The following CFAP20DC variants were observed in gnomAD, a reference collection of about 807,000 sequenced individuals.
CFAP20DC encodes protein CFAP20DC.
Under a neutral mutation model 101.7 loss-of-function variants are expected in CFAP20DC, and 84 were observed. That is an observed-to-expected ratio of 0.83 (90% CI 0.69 to 0.99). The LOEUF (loss-of-function observed/expected upper bound fraction) is 0.99, where lower values mean the gene tolerates loss of function less well. Ranked by LOEUF, CFAP20DC falls within the 50% of genes least tolerant of loss-of-function variation. CFAP20DC has a pLI of 0.00. For synonymous variants in CFAP20DC, 359 were observed against 351.2 expected (o/e 1.02, Z -0.25); for missense variants, 1,007 against 970.3 (o/e 1.04, Z -0.50).
intron 2 of CFAP20DC, 35 bp from the exon 3 acceptor site, chr3:59,046,357 G>C (rs1202881538): frequency 7.7e-7 from 1 of 1,299,340 alleles, no homozygotes; most frequent in African/African-American, 1.5e-5. Flanking sequence ...GTTATCACAG[G>C]ATATTTTATT....
intron 3 of CFAP20DC, chr3:58,726,887 T>A (rs908140514): frequency 2.5e-5 from 6 of 240,914 alleles, no homozygotes; most frequent in South Asian, 1.4e-4. Flanking sequence ...GAATGACCCA[T>A]TACTTCCACT....
chr3:59,009,134 C>T (rs2093517179), intron 4 of CFAP20DC, among the ~76,000 whole-genome samples: 1 of 151,966 alleles, frequency 6.6e-6, no homozygotes, highest in Admixed American at 6.6e-5. Context: ...AAGTCTGGTC[C>T]TTAGGAGAGG....
At chr3:58,983,483 A>T (rs768285243) in intron 4 of CFAP20DC, among the ~76,000 whole-genome samples, 14 of 152,184 alleles carry the variant, frequency 9.2e-5, no homozygotes, top group Non-Finnish European at 1.6e-4. Context: ...CTTATGGTTC[A>T]GTTTTATATA....
At chr3:58,740,760 G>T (rs2067863089), downstream of CFAP20DC, among the ~76,000 whole-genome samples, 1 of 151,634 alleles carries the variant, frequency 6.6e-6, no homozygotes, top group Admixed American at 6.6e-5. The surrounding 1 kb of genome is among the most constrained non-coding windows in gnomAD (Gnocchi z 4.6). Flanking sequence ...AATTTTAATT[G>T]ACTCTCTTAT....
In CFAP20DC at chr3:58,863,676, G is replaced by A; in HGVS notation, c.1475C>T (p.Thr492Ile). Residue 492 changes from threonine (T) to isoleucine (I), a missense_variant, in exon 12 of 17, where the codon ACT becomes ATT. Coordinates refer to ENST00000482387, the MANE Select transcript of CFAP20DC (RefSeq NM_001394063.1). The surrounding 1 kb of genome is among the most constrained non-coding windows in gnomAD (Gnocchi z 5.9). ...SRPRSAPHGK[T>I]QTMSPEELSF... ...GAGCTCCTCTGGGGACATAGTCTGA[G>A]TCTTTCCATGAGGTGCTGATCGTGG... The A allele has an allele frequency of 6.2e-7, 1 of 1,614,164 alleles. No individual in the cohort carries two copies. Among genetic ancestry groups the A allele is most frequent in the Middle Eastern group, 1.6e-4 (1 of 6,062 alleles).
intron 3 of CFAP20DC, chr3:58,734,635 T>C: frequency 6.6e-6 from 3 of 453,842 alleles, no homozygotes; most frequent in Non-Finnish European, 1.3e-5. Context: ...TCTGCAAAGC[T>C]CCCTGGGCAG....
Position 58,863,955 on chromosome 3 carries a change from A to G in CFAP20DC, c.1259-63T>C. On this transcript the variant is annotated intron_variant, in intron 11 of 16. Transcript: ENST00000482387. This position sits in a 1 kb window ranked among gnomAD's most constrained non-coding sequence, Gnocchi z 5.9. ...ATCCATAAAAGTGTTATTTTTATTT[A>G]TTTATTTTTAGTTTTAGTTTTTGAG... 1.4e-6 allele frequency: 2 copies of G among 1,429,414 alleles called. No individual in the cohort carries two copies. The highest frequency in any genetic ancestry group is 1.8e-6 in the Non-Finnish European group (2 of 1,081,766). 88.5% of individuals were successfully genotyped at this position (1,429,414 alleles called of 1,614,324 possible).
intron 12 of CFAP20DC, among the ~76,000 whole-genome samples, chr3:58,853,035 GA>G (rs1189774047): frequency 6.6e-6 from 1 of 152,122 alleles, no homozygotes; most frequent in African/African-American, 2.4e-5. Context: ...AAAAATTAAT[GA>G]ATCCAGGAGC....
At position 58,908,232 on chromosome 3, in the gene CFAP20DC, T is replaced by C. The variant is rs139774358; in HGVS notation, c.550+5476A>G. On this transcript the variant is annotated intron_variant, in intron 6 of 16. Transcript: ENST00000482387. ...TATCTTCTACATCTTCTAGTGTTTATTTCCATAATTATACATAGTAGCTTT... is the reference window on the plus strand; with the variant it reads ...TATCTTCTACATCTTCTAGTGTTTACTTCCATAATTATACATAGTAGCTTT... Among the ~76,000 whole-genome samples the C allele has an allele frequency of 1.2e-4, 19 of 152,300 alleles. No individual in the cohort carries two copies. The East Asian group carries it at 3.5e-3, about 28-fold the overall frequency.
At chr3:58,984,764 C>T (rs1474398686) in intron 4 of CFAP20DC, among the ~76,000 whole-genome samples, 2 of 152,154 alleles carry the variant, frequency 1.3e-5, no homozygotes, top group African/African-American at 4.8e-5. Flanking sequence ...TATAGCACCA[C>T]AGGTGTGATG....
intron 6 of CFAP20DC, among the ~76,000 whole-genome samples, chr3:58,902,584 G>T (rs1369525976): frequency 6.6e-6 from 1 of 152,106 alleles, no homozygotes; most frequent in Non-Finnish European, 1.5e-5. Flanking sequence ...TTGAAGAAAT[G>T]TCTATTCAAG....
chr3:58,820,725 A>C (rs1314721895), intron 14 of CFAP20DC, among the ~76,000 whole-genome samples: 1 of 148,458 alleles, frequency 6.7e-6, no homozygotes, highest in Admixed American at 6.7e-5. Context: ...TGCCCAAGGT[A>C]ATTTACAGAT....
chr3:58,831,655 A>G (rs1379737116), intron 14 of CFAP20DC, 31 bp downstream of exon 14: 10 of 1,601,002 alleles, frequency 6.2e-6, no homozygotes, highest in East Asian at 4.5e-5. Flanking sequence ...TTGTTAAGCA[A>G]TGAGAGGAAG....
chr3:58,902,643 T>G (rs1204295212), intron 6 of CFAP20DC, among the ~76,000 whole-genome samples: 1 of 152,198 alleles, frequency 6.6e-6, no homozygotes, highest in African/African-American at 2.4e-5. Context: ...GTTGTTGAGT[T>G]TTAAGAGTTC....
intron 3 of CFAP20DC, among the ~76,000 whole-genome samples, chr3:58,736,381 T>C (rs1385421282): frequency 4.6e-5 from 7 of 152,216 alleles, no homozygotes; most frequent in African/African-American, 7.2e-5. Context: ...TGAGATAATC[T>C]TTGGTTTATG....
chr3:59,005,227 C>A (rs190574474), intron 4 of CFAP20DC, among the ~76,000 whole-genome samples: 18 of 152,192 alleles, frequency 1.2e-4, no homozygotes, highest in Admixed American at 5.9e-4. Context: ...TTTTCCTTGG[C>A]CTCAGCTCTA....
chr3:58,812,215 A>G (rs2074704738), intron 14 of CFAP20DC, among the ~76,000 whole-genome samples: 1 of 152,152 alleles, frequency 6.6e-6, no homozygotes, highest in Non-Finnish European at 1.5e-5. Flanking sequence ...GTATATACCC[A>G]AAGGACTATA....
chr3:58,977,384 C>T (rs1374917482), intron 4 of CFAP20DC, among the ~76,000 whole-genome samples: 4 of 152,182 alleles, frequency 2.6e-5, no homozygotes, highest in African/African-American at 7.2e-5. Flanking sequence ...TGTGCGAAGG[C>T]TTACAATCAG....
At chr3:58,862,853 C>T (rs1053657068) in intron 12 of CFAP20DC, 32 of 984,914 alleles carry the variant, frequency 3.2e-5, no homozygotes, top group African/African-American at 1.6e-4. Flanking sequence ...AGAAAATCCA[C>T]GACTAAATGC....
Sources: allele counts gnomAD v4.1 joint callset (sites outside exome capture counted in the v4.1 genomes callset), GRCh38; gene constraint gnomAD v4.1.1; non-coding constraint Gnocchi (gnomAD v3.1); transcripts MANE v1.5; gene names NCBI Gene and HGNC (gene_info 2026-07-23, HGNC 2026-07-21).